NEO1: variants seen among roughly 807,000 people sequenced by gnomAD.
The protein encoded by NEO1 is neogenin 1.
NEO1 carries 63 observed loss-of-function variants against 159.7 expected under a neutral mutation model. The ratio of observed to expected loss-of-function variants is 0.39; its 90% CI spans 0.32 to 0.49. The LOEUF (loss-of-function observed/expected upper bound fraction) is 0.49, where lower values mean the gene tolerates loss of function less well. NEO1 is among the 20% of genes least tolerant of loss of function. NEO1 has a pLI of 0.85. For synonymous variants in NEO1, 633 were observed against 662.0 expected, an observed-to-expected ratio of 0.96 and a Z score of 0.67; for missense variants, 1,615 against 1,831.0, an observed-to-expected ratio of 0.88 and a Z score of 2.15.
At chr15:73,137,453 T>G (rs749254448) in intron 5 of NEO1, among the ~76,000 whole-genome samples, 3 of 152,194 alleles carry the variant, frequency 2.0e-5, no homozygotes, top group African/African-American at 4.8e-5. Context: ...TATTTTGATT[T>G]TTTTTGAGAC....
chr15:73,180,993 G>A (rs1461144081), intron 7 of NEO1, among the ~76,000 whole-genome samples: 1 of 152,134 alleles, frequency 6.6e-6, no homozygotes, highest in African/African-American at 2.4e-5. Context: ...GGATGTAAGA[G>A]ATATATAAAA....
chr15:73,272,652 G>A, intron 19 of NEO1, 90 bp downstream of exon 19: 1 of 898,806 alleles, frequency 1.1e-6, no homozygotes, highest in Non-Finnish European at 1.8e-6. Context: ...GGGAGAAGTG[G>A]GAGTCTGAAG....
At chr15:73,233,638 C>T (rs2039027869) in intron 7 of NEO1, among the ~76,000 whole-genome samples, 1 of 152,082 alleles carries the variant, frequency 6.6e-6, no homozygotes, top group Non-Finnish European at 1.5e-5. Context: ...ATAGGGTGTG[C>T]TGGATGCCGT....
chr15:73,131,115 A>G (rs1408820158), intron 4 of NEO1, among the ~76,000 whole-genome samples: 1 of 152,220 alleles, frequency 6.6e-6, no homozygotes, highest in Non-Finnish European at 1.5e-5. Flanking sequence ...GAGCTAAAAC[A>G]GAAGGATTAA....
At chr15:73,055,131 G>C (rs991179281) in intron 1 of NEO1, among the ~76,000 whole-genome samples, 1 of 152,168 alleles carries the variant, frequency 6.6e-6, no homozygotes, top group Admixed American at 6.5e-5. Context: ...TTGGAATTGA[G>C]TAGGAACATA....
chr15:73,281,141 G>C (rs1237374964), intron 22 of NEO1, among the ~76,000 whole-genome samples: 1 of 149,360 alleles, frequency 6.7e-6, no homozygotes, highest in African/African-American at 2.5e-5. Context: ...CAGAGGGGCG[G>C]AGCTTGCAGT....
In NEO1 at chr15:73,236,513, G is replaced by C. The variant is rs1307635640; in HGVS notation, c.1451+7G>C. ...CCAAGGAAGGGATTGCTAGGTAAGT[G>C]CCTGTGTGTCTGCAGCCAGTTGGCT... On this transcript the variant is annotated splice_region_variant and intron_variant, in intron 8 of 28. Coordinates refer to ENST00000261908, the MANE Select transcript of NEO1 (RefSeq NM_002499.4). The C allele has an allele frequency of 6.2e-7, 1 of 1,613,088 alleles. No individual in the cohort carries two copies.
intron 15 of NEO1, among the ~76,000 whole-genome samples, chr15:73,262,778 A>G (rs1049199820): frequency 2.0e-5 from 3 of 152,228 alleles, no homozygotes; most frequent in African/African-American, 7.2e-5. Context: ...AAGCTTATAT[A>G]CAATGTTCAT....
chr15:73,208,685 A>G (rs1038631913), intron 7 of NEO1, among the ~76,000 whole-genome samples: 2 of 152,002 alleles, frequency 1.3e-5, no homozygotes, highest in African/African-American at 2.4e-5. Flanking sequence ...AATATGGTGA[A>G]ATGCCGTCTC....
intron 9 of NEO1, among the ~76,000 whole-genome samples, chr15:73,244,977 A>AAAAAAAAAC (rs1555458859): frequency 3.6e-5 from 4 of 111,960 alleles, no homozygotes; most frequent in Admixed American, 2.0e-4. Flanking sequence ...AAAAAAAAAA[A>AAAAAAAAAC]AAAAAACAAC....
chr15:73,106,364 A>G (rs372756246), intron 1 of NEO1, among the ~76,000 whole-genome samples: 1 of 152,212 alleles, frequency 6.6e-6, no homozygotes, highest in Non-Finnish European at 1.5e-5. Context: ...TAGATAGCAC[A>G]TTAGAAAAGT....
intron 15 of NEO1, among the ~76,000 whole-genome samples, chr15:73,263,665 C>T (rs1486545885): frequency 6.6e-6 from 1 of 151,990 alleles, no homozygotes; most frequent in South Asian, 2.1e-4. Flanking sequence ...TCATTCAGAT[C>T]GTTTCTTTGT....
intron 7 of NEO1, among the ~76,000 whole-genome samples, chr15:73,190,257 A>T (rs898995198): frequency 1.3e-5 from 2 of 152,186 alleles, no homozygotes. Context: ...TTGCGAAATT[A>T]TCATGTGAGA....
intron 5 of NEO1, among the ~76,000 whole-genome samples, chr15:73,157,221 G>A (rs922437214): frequency 6.6e-6 from 1 of 152,186 alleles, no homozygotes; most frequent in African/African-American, 2.4e-5. Context: ...AGTATCAGCT[G>A]CCCATACCAG....
At chr15:73,240,323 G>A (rs1450472620) in intron 8 of NEO1, among the ~76,000 whole-genome samples, 3 of 152,134 alleles carry the variant, frequency 2.0e-5, no homozygotes, top group African/African-American at 7.2e-5. Context: ...TTAATTTGTA[G>A]TTGGAAGAGA....
intron 1 of NEO1, among the ~76,000 whole-genome samples, chr15:73,111,958 A>T (rs1470181759): frequency 6.6e-6 from 1 of 152,122 alleles, no homozygotes; most frequent in Non-Finnish European, 1.5e-5. Flanking sequence ...TAAGTGGATT[A>T]TACATACAAG....
intron 25 of NEO1, among the ~76,000 whole-genome samples, chr15:73,292,825 A>G (rs1251667698): frequency 6.6e-6 from 1 of 152,256 alleles, no homozygotes; most frequent in Non-Finnish European, 1.5e-5. Flanking sequence ...ATTTTAAGAC[A>G]TGAAAGCCGA....
chr15:73,266,983 G>A (rs2040932551), intron 16 of NEO1, among the ~76,000 whole-genome samples: 1 of 152,190 alleles, frequency 6.6e-6, no homozygotes. Context: ...TAAAGGCCGG[G>A]TGCAGTGGTT....
chr15:73,244,514 G>A lies in NEO1; in HGVS notation c.1606+16G>A, dbSNP rs779046794. On this transcript the variant is annotated intron_variant, in intron 9 of 28. Coordinates refer to ENST00000261908, the MANE Select transcript of NEO1 (RefSeq NM_002499.4). ...CAACCTGAGGGTAAGTCTTCCACCTGTCTGTCAGCACCCCCTAGAGGTAGA... is the reference window on the plus strand; with the variant it reads ...CAACCTGAGGGTAAGTCTTCCACCTATCTGTCAGCACCCCCTAGAGGTAGA... 6.2e-7 allele frequency: 1 copy of A among 1,611,484 alleles called. No homozygotes were observed. Among genetic ancestry groups the A allele is most frequent in the Admixed American group, 1.7e-5 (1 of 59,904 alleles).
Sources: gnomAD v4.1 joint callset for allele counts (sites outside exome capture counted in the v4.1 genomes callset) on GRCh38, gnomAD v4.1.1 for gene constraint, MANE v1.5 for transcripts, NCBI Gene and HGNC (gene_info 2026-07-23, HGNC 2026-07-21) for gene names.